Variants in ZBTB7C observed in about 807,000 individuals in gnomAD.
ZBTB7C encodes the protein zinc finger and BTB domain-containing protein 7C.
ZBTB7C carries 8 observed loss-of-function variants against 25.7 expected under a neutral mutation model. That is an observed-to-expected ratio of 0.31 (90% confidence interval 0.18 to 0.56). ZBTB7C has a LOEUF of 0.56. Among genes scored for constraint, ZBTB7C ranks in the 20% least tolerant of loss-of-function variants. The pLI is 0.91. For missense variants in ZBTB7C, 824 were observed against 855.2 expected (o/e 0.96, Z 0.46); for synonymous variants, 394 against 369.0 (o/e 1.07, Z -0.78).
At chr18:48,142,986 C>A (rs1431819496) in intron 3 of ZBTB7C, among the ~76,000 whole-genome samples, 1 of 151,290 alleles carries the variant, frequency 6.6e-6, no homozygotes, top group Admixed American at 6.6e-5. Context: ...GTGGTCTCCA[C>A]CCTTATGGAG....
Position 48,028,651 on chromosome 18 carries a change from A to G in ZBTB7C, c.*609T>C, listed in dbSNP as rs1462781073. On this transcript the variant is annotated 3_prime_UTR_variant, in exon 5 of 5. Coordinates refer to ENST00000590800, the MANE Select transcript of ZBTB7C (RefSeq NM_001318841.2). ...CTGAGCTACAGAGGGCTGACCTGTC[A>G]AGGTCACAGGACAGGTCAGGGAAGA... is the stretch of plus-strand genomic sequence containing the variant. 1 of 152,650 alleles carries G rather than the reference A, an allele frequency of 6.6e-6. No individual in the cohort carries two copies. 9.5% of individuals were successfully genotyped at this position (152,650 alleles called of 1,614,324 possible). A position where few individuals can be genotyped will look rare whatever the true frequency, so the allele number is the denominator to read the frequency against.
rs545625579 is a variant in ZBTB7C at position 48,084,020 on chromosome 18, G to A, written c.-16-42897C>T. ...TGTGCCTATGGAAGGTTTCCACACC[G>A]AAGGAAACTACCAGAACCTTCTGCA... On this transcript the variant is annotated intron_variant, in intron 3 of 4. Coordinates refer to ENST00000590800, the MANE Select transcript of ZBTB7C (RefSeq NM_001318841.2). 8.1e-5 allele frequency: 29 copies of A among 358,450 alleles called. No homozygotes were observed. The South Asian group carries it at 3.3e-3, about 40-fold the overall frequency. 22.2% of individuals were successfully genotyped at this position (358,450 alleles called of 1,614,324 possible). A position where few individuals can be genotyped will look rare whatever the true frequency, so the allele number is the denominator to read the frequency against.
intron 2 of ZBTB7C, among the ~76,000 whole-genome samples, chr18:48,311,867 C>T (rs896727740): frequency 1.3e-5 from 2 of 152,220 alleles, no homozygotes; most frequent in African/African-American, 4.8e-5. Flanking sequence ...ATATTTCTCC[C>T]CAACAAGCCT....
At chr18:48,189,327 T>G (rs539625051) in intron 2 of ZBTB7C, among the ~76,000 whole-genome samples, 52 of 152,234 alleles carry the variant, frequency 3.4e-4, no homozygotes, top group African/African-American at 1.2e-3. Context: ...CAAGTGAGAG[T>G]GAATAAATAG....
intron 3 of ZBTB7C, chr18:48,088,197 CAG>C (rs1341697897): frequency 6.6e-6 from 1 of 152,184 alleles, no homozygotes; most frequent in African/African-American, 2.4e-5. Context: ...CACAGTCTAA[CAG>C]GGGAGAAAGA....
rs929816028 is a variant in ZBTB7C, at chr18:48,040,406, G to C, written c.702C>G (p.Asn234Lys). Reference sequence around the variant, plus strand: ...CGGGGATGTTGGCCTTGGGGTACAGGTTCTCCCTTAGCAGAGATTCGATGG... The same window carrying C: ...CGGGGATGTTGGCCTTGGGGTACAGCTTCTCCCTTAGCAGAGATTCGATGG... ...DFSIESLLRE[N>K]LYPKANIPDR... The change falls in exon 4 of 5, where the codon AAC becomes AAG. Residue 234 changes from asparagine (N) to lysine (K), a missense_variant. Around this residue, in one of 4 missense-constraint regions of ZBTB7C, gnomAD observed 316 missense variants for 299.2 expected, o/e 1.06. Transcript: ENST00000590800. 1.9e-6 allele frequency: 3 copies of C among 1,611,836 alleles called. No homozygotes were observed. The highest frequency in any genetic ancestry group is 2.5e-6 in the Non-Finnish European group (3 of 1,178,840).
intron 3 of ZBTB7C, among the ~76,000 whole-genome samples, chr18:48,046,884 A>G (rs535379181): frequency 6.6e-6 from 1 of 152,358 alleles, no homozygotes; most frequent in East Asian, 1.9e-4. Context: ...ATGAGGAGCC[A>G]GAAGCGCAAA....
intron 2 of ZBTB7C, among the ~76,000 whole-genome samples, chr18:48,190,616 C>T (rs1267211273): frequency 1.3e-5 from 2 of 152,186 alleles, no homozygotes; most frequent in African/African-American, 2.4e-5. Context: ...TGACATCCTT[C>T]AGAAGGGAAC....
chr18:48,371,564 A>G (rs1422432285), intron 1 of ZBTB7C, among the ~76,000 whole-genome samples: 4 of 152,200 alleles, frequency 2.6e-5, no homozygotes, highest in African/African-American at 9.6e-5. Flanking sequence ...GAGCCTGCCA[A>G]TGGGCAGGAT....
chr18:48,175,619 A>T (rs1263781175), intron 3 of ZBTB7C, among the ~76,000 whole-genome samples: 2 of 152,176 alleles, frequency 1.3e-5, no homozygotes, highest in Admixed American at 1.3e-4. Flanking sequence ...GCAACGAGCA[A>T]ACCCAGATCT....
chr18:48,369,306 AT>A (rs1387568425), intron 1 of ZBTB7C, among the ~76,000 whole-genome samples: 1 of 152,260 alleles, frequency 6.6e-6, no homozygotes, highest in Non-Finnish European at 1.5e-5. Context: ...ACTAAAAAAT[AT>A]ATACATAAAT....
chr18:48,196,480 T>C (rs1182308219), intron 2 of ZBTB7C, among the ~76,000 whole-genome samples: 1 of 152,166 alleles, frequency 6.6e-6, no homozygotes, highest in Non-Finnish European at 1.5e-5. Flanking sequence ...AGTAGGTTGC[T>C]TGGGGAAGGA....
At chr18:48,277,490 T>A (rs946069027) in intron 2 of ZBTB7C, among the ~76,000 whole-genome samples, 4 of 152,214 alleles carry the variant, frequency 2.6e-5, no homozygotes, top group Admixed American at 6.5e-5. Context: ...GGATTTTCTG[T>A]CCCAAATAAA....
At chr18:48,083,251 G>C (rs530569997) in intron 3 of ZBTB7C, among the ~76,000 whole-genome samples, 3 of 151,910 alleles carry the variant, frequency 2.0e-5, no homozygotes, top group African/African-American at 7.2e-5. Flanking sequence ...AGCATCACTT[G>C]CAGTTTGAAA....
chr18:48,261,631 C>T (rs974422362), intron 2 of ZBTB7C, among the ~76,000 whole-genome samples: 2 of 152,050 alleles, frequency 1.3e-5, no homozygotes, highest in African/African-American at 2.4e-5. Context: ...CTGGAATCCT[C>T]GCCTCTGAGT....
intron 2 of ZBTB7C, among the ~76,000 whole-genome samples, chr18:48,336,979 C>T (rs1440772230): frequency 6.6e-6 from 1 of 152,192 alleles, no homozygotes; most frequent in Non-Finnish European, 1.5e-5. Context: ...GAGCTCAATT[C>T]TTTCTCCATT....
intron 3 of ZBTB7C, chr18:48,165,474 C>G (rs1599009249): frequency 6.8e-6 from 2 of 294,210 alleles, no homozygotes; most frequent in East Asian, 2.0e-4. Flanking sequence ...ATCAGACTCC[C>G]AAACTGCGGC....
intron 2 of ZBTB7C, among the ~76,000 whole-genome samples, chr18:48,201,141 G>T (rs900528148): frequency 2.6e-5 from 4 of 152,168 alleles, no homozygotes; most frequent in African/African-American, 9.7e-5. Flanking sequence ...TTTGTAAAGT[G>T]AATCATTCCC....
chr18:48,066,821 G>T (rs1169717785), intron 3 of ZBTB7C, among the ~76,000 whole-genome samples: 2 of 152,376 alleles, frequency 1.3e-5, no homozygotes, highest in East Asian at 3.9e-4. Context: ...ACCTAGCTCT[G>T]CCGGGTGTGG....
Sources: gnomAD v4.1 joint callset for allele counts (sites outside exome capture counted in the v4.1 genomes callset) on GRCh38, gnomAD v4.1.1 for gene constraint, gnomAD v4.1.1 regional missense constraint, MANE v1.5 for transcripts, NCBI Gene and HGNC (gene_info 2026-07-23, HGNC 2026-07-21) for gene names.